The following OXR1 variants were observed in gnomAD, a reference collection of about 807,000 sequenced individuals.
OXR1 encodes the protein oxidation resistance 1, also known as oxidation resistance protein 1.
OXR1 carries 41 observed loss-of-function variants against 104.6 expected under a neutral mutation model. The ratio of observed to expected loss-of-function variants is 0.39; its 90% CI spans 0.31 to 0.51. OXR1 has a LOEUF of 0.51. Among genes scored for constraint, OXR1 ranks in the 20% least tolerant of loss-of-function variants. OXR1 has a pLI of 0.77. For missense variants in OXR1, 955 were observed against 1,031.9 expected (o/e 0.93, Z 1.02); for synonymous variants, 348 against 348.4 (o/e 1.00, Z 0.01).
chr8:106,526,731 G>C (rs919041621), intron 3 of OXR1, among the ~76,000 whole-genome samples: 5 of 152,142 alleles, frequency 3.3e-5, no homozygotes, highest in African/African-American at 4.8e-5. Context: ...TTTTAGTAGA[G>C]ACAGGTTTTC....
intron 2 of OXR1, among the ~76,000 whole-genome samples, chr8:106,477,042 T>C (rs1821845804): frequency 6.6e-6 from 1 of 151,996 alleles, no homozygotes; most frequent in Non-Finnish European, 1.5e-5. Flanking sequence ...TATCCTGAAA[T>C]GGTGGGCAAC....
chr8:106,653,079 A>ATAT (rs1393545322), intron 3 of OXR1, among the ~76,000 whole-genome samples: 128 of 107,896 alleles, frequency 1.2e-3, no homozygotes, highest in African/African-American at 2.6e-3. Context: ...TAGAAAAAAA[A>ATAT]AAAAATATAT....
At chr8:106,744,446 T>G (rs1835211952) in intron 15 of OXR1, among the ~76,000 whole-genome samples, 1 of 152,192 alleles carries the variant, frequency 6.6e-6, no homozygotes, top group African/African-American at 2.4e-5. Context: ...AAACACAAAT[T>G]ATGGACTTAG....
In OXR1 at chr8:106,590,275, T is replaced by TTTGTTG. The variant is rs537746922; in HGVS notation, c.220+71160_220+71165dup. 3.4e-3 allele frequency among the ~76,000 whole-genome samples: 513 copies of TTTGTTG among 151,868 alleles called. 5 individuals carry two copies. Among genetic ancestry groups the TTTGTTG allele is most frequent in the African/African-American group, 0.011 (472 of 41,424 alleles). ...ACTGCGGCAATACAGGTTTTTGGTT[T>TTTGTTG]TTGTTGTTGTTGTTGTTGTTGTTGT... is the stretch of plus-strand genomic sequence containing the variant. On this transcript the variant is annotated intron_variant, in intron 3 of 16. Coordinates refer to ENST00000517566, the MANE Select transcript of OXR1 (RefSeq NM_001198533.2).
chr8:106,490,897 T>A (rs1811042130), intron 2 of OXR1, among the ~76,000 whole-genome samples: 1 of 152,212 alleles, frequency 6.6e-6, no homozygotes. Flanking sequence ...TATAGCATTA[T>A]GGAGGGTTGG....
At chr8:106,284,651 A>C (rs1812419193) in intron 1 of OXR1, among the ~76,000 whole-genome samples, 1 of 152,180 alleles carries the variant, frequency 6.6e-6, no homozygotes. Flanking sequence ...ACCTCTGGAT[A>C]GCAAGCTTTC....
intron 1 of OXR1, among the ~76,000 whole-genome samples, chr8:106,274,302 C>A (rs1023220972): frequency 6.6e-6 from 1 of 152,088 alleles, no homozygotes; most frequent in Non-Finnish European, 1.5e-5. Flanking sequence ...TCTAATATCC[C>A]CTGCATGCAG....
chr8:106,397,763 TGG>T (rs1817839673), intron 2 of OXR1, among the ~76,000 whole-genome samples: 1 of 152,134 alleles, frequency 6.6e-6, no homozygotes, highest in Admixed American at 6.6e-5. Context: ...ATGTTCAACT[TGG>T]CCTTATAAGT....
chr8:106,373,813 C>A (rs1816803402), intron 2 of OXR1, among the ~76,000 whole-genome samples: 1 of 152,212 alleles, frequency 6.6e-6, no homozygotes, highest in Admixed American at 6.5e-5. Context: ...CAGTCTTGAA[C>A]TCCTGACCTC....
At chr8:106,652,645 T>TA (rs1206572543) in intron 3 of OXR1, among the ~76,000 whole-genome samples, 29 of 88,526 alleles carry the variant, frequency 3.3e-4, no homozygotes, top group Non-Finnish European at 5.1e-4. Context: ...CCTATATTAT[T>TA]AAAAAAAAAG....
At chr8:106,691,277 G>A (rs1033754702) in intron 6 of OXR1, among the ~76,000 whole-genome samples, 4 of 151,890 alleles carry the variant, frequency 2.6e-5, no homozygotes, top group African/African-American at 9.7e-5. Context: ...GCCATCAAAT[G>A]AGCTGCAAAA....
chr8:106,430,934 C>G (rs1819336355), intron 2 of OXR1, among the ~76,000 whole-genome samples: 1 of 152,158 alleles, frequency 6.6e-6, no homozygotes, highest in South Asian at 2.1e-4. Context: ...CTTCCCTTCC[C>G]TTGAATTTGG....
At chr8:106,711,741 T>C (rs776954) in intron 10 of OXR1, among the ~76,000 whole-genome samples, 91,995 of 151,856 alleles carry the variant, frequency 0.61, 28,727 homozygotes, top group African/African-American at 0.76. Context: ...CCTCCTTTCC[T>C]ACAAAGGATG....
chr8:106,492,925 T>C (rs542176586), intron 2 of OXR1, among the ~76,000 whole-genome samples: 105 of 152,324 alleles, frequency 6.9e-4, no homozygotes, highest in Non-Finnish European at 1.1e-3. Flanking sequence ...CAAGCCTTTA[T>C]ATATGAACTG....
chr8:106,335,572 C>A (rs1016846446), intron 1 of OXR1, among the ~76,000 whole-genome samples: 4 of 151,826 alleles, frequency 2.6e-5, no homozygotes, highest in African/African-American at 9.7e-5. Context: ...CTCTTTCAGC[C>A]CATTCTATCT....
At chr8:106,437,592 G>A (rs1239679328) in intron 2 of OXR1, among the ~76,000 whole-genome samples, 5 of 152,126 alleles carry the variant, frequency 3.3e-5, no homozygotes, top group African/African-American at 1.2e-4. Flanking sequence ...ACAATGGAAA[G>A]AGGACACTAT....
chr8:106,373,966 C>A (rs571737185), intron 2 of OXR1, among the ~76,000 whole-genome samples: 2 of 152,184 alleles, frequency 1.3e-5, no homozygotes, highest in Admixed American at 6.5e-5. Flanking sequence ...TACTTAAAAT[C>A]GGCTCCTAGC....
chr8:106,681,001 T>C (rs889726768), intron 4 of OXR1, among the ~76,000 whole-genome samples: 3 of 152,204 alleles, frequency 2.0e-5, no homozygotes, highest in African/African-American at 7.2e-5. Flanking sequence ...TCTTGAGTCT[T>C]AGTTGAAATC....
chr8:106,337,923 A>T lies in OXR1; in HGVS notation c.-138-21553A>T, dbSNP rs538080812. Among the ~76,000 whole-genome samples the T allele has an allele frequency of 2.0e-5, 3 of 152,344 alleles. No individual in the cohort carries two copies. In the East Asian group the frequency reaches 5.8e-4, roughly 29 times the overall value. ...TAGCTACTTAAAACACTAAAAGTTA[A>T]TGTGGCTTTTTATAGGTTTAGGAGA... On this transcript the variant is annotated intron_variant, in intron 1 of 16. Transcript: ENST00000517566.
Sources: allele counts gnomAD v4.1 joint callset (sites outside exome capture counted in the v4.1 genomes callset), GRCh38; gene constraint gnomAD v4.1.1; transcripts MANE v1.5; gene names NCBI Gene and HGNC (gene_info 2026-07-23, HGNC 2026-07-21).